Variants in SUGT1 observed in about 807,000 individuals in gnomAD.
The protein encoded by SUGT1 is protein SGT1 homolog.
SUGT1 carries 15 observed loss-of-function variants against 56.1 expected under a neutral mutation model. The observed-to-expected ratio is 0.27, with a 90% CI of 0.18 to 0.41. The LOEUF (loss-of-function observed/expected upper bound fraction) is 0.41, where lower values mean the gene tolerates loss of function less well. SUGT1 is among the 10% of genes least tolerant of loss of function. The pLI, the probability that SUGT1 is intolerant of heterozygous loss-of-function variation, is 1.00. For synonymous variants in SUGT1, 123 were observed against 128.6 expected (o/e 0.96, Z 0.30); for missense variants, 347 against 382.2 (o/e 0.91, Z 0.77).
chr13:52,673,877 T>C (rs1168795306), intron 10 of SUGT1, among the ~76,000 whole-genome samples: 1 of 152,220 alleles, frequency 6.6e-6, no homozygotes, highest in African/African-American at 2.4e-5. Context: ...TATGTCCCTT[T>C]TGATAAATAT....
chr13:52,658,554 A>G, intron 4 of SUGT1, 86 bp downstream of exon 4: 2 of 1,275,192 alleles, frequency 1.6e-6, no homozygotes, highest in Non-Finnish European at 2.2e-6. Flanking sequence ...AGCTTTATAT[A>G]AGTTGTAAAA....
chr13:52,697,112 C>T lies in SUGT1; in HGVS notation c.*9277C>T, dbSNP rs1195802121. ...CCGTCTTCTGGGCTCAAGCAATCCT[C>T]CTTCCTCAGCCTCCTGAGTAGCTGG... is the stretch of plus-strand genomic sequence containing the variant. On this transcript the variant is annotated 3_prime_UTR_variant, in exon 13 of 13. Transcript: ENST00000310528. 1 of 152,136 alleles carries T rather than the reference C, an allele frequency of 6.6e-6. No individual in the cohort carries two copies. The highest frequency in any genetic ancestry group is 2.4e-5 in the African/African-American group (1 of 41,420). 9.4% of individuals were successfully genotyped at this position (152,136 alleles called of 1,614,324 possible). A position where few individuals can be genotyped will look rare whatever the true frequency, so the allele number is the denominator to read the frequency against.
chr13:52,684,419 TTG>T (rs202099191), intron 12 of SUGT1, among the ~76,000 whole-genome samples: 1,187 of 27,814 alleles, frequency 0.043, 5 homozygotes, highest in Non-Finnish European at 0.086. Context: ...CTCTATTTTT[TTG>T]TTCTACATTT....
chr13:52,665,924 G>A (rs1347276108), intron 9 of SUGT1, among the ~76,000 whole-genome samples, 191 bp downstream of exon 9: 7 of 152,092 alleles, frequency 4.6e-5, no homozygotes, highest in African/African-American at 2.4e-5. Context: ...AGCTGGATGT[G>A]CATTTTTTTC....
Position 52,690,410 on chromosome 13 carries a change from C to CT in SUGT1, c.*2575_*2576insT, listed in dbSNP as rs34928219. On this transcript the variant is annotated 3_prime_UTR_variant, in exon 13 of 13. Transcript: ENST00000310528. Reference sequence around the variant, plus strand: ...TTTTCATTTCTCAAATTTTGGTTCTCAGTGCTGTTAGTATTAGTAGCCTTT... The same window carrying CT: ...TTTTCATTTCTCAAATTTTGGTTCTCTAGTGCTGTTAGTATTAGTAGCCTTT... 1 of 152,142 alleles carries CT rather than the reference C, an allele frequency of 6.6e-6. No individual in the cohort carries two copies. Among genetic ancestry groups the CT allele is most frequent in the Non-Finnish European group, 1.5e-5 (1 of 68,034 alleles). The allele number at this position is 152,142 out of a possible 1,614,324, so 9.4% of individuals were successfully genotyped here.
intron 2 of SUGT1, among the ~76,000 whole-genome samples, chr13:52,654,116 A>G (rs1566171636): frequency 6.6e-6 from 1 of 152,254 alleles, no homozygotes; most frequent in Non-Finnish European, 1.5e-5. Context: ...TAGAGGGCCC[A>G]TTTGATTAAG....
In SUGT1 at chr13:52,657,639, A is replaced by C. The variant is rs1962230663; in HGVS notation, c.187+17A>C. The stretch of plus-strand genomic sequence containing the variant: ...ATTACTGTGGTAACGTTTCTTATAA[A>C]GTATATTGCCCCCTTTTAATAAGTT... On this transcript the variant is annotated intron_variant, in intron 3 of 12. Coordinates refer to ENST00000310528, the MANE Select transcript of SUGT1 (RefSeq NM_006704.5). 6.3e-7 allele frequency: 1 copy of C among 1,598,068 alleles called. No homozygotes were observed. The highest frequency in any genetic ancestry group is 1.7e-5 in the Admixed American group (1 of 59,162).
At chr13:52,662,542 C>A in intron 5 of SUGT1, 107 bp from the exon 6 acceptor site, 3 of 1,068,928 alleles carry the variant, frequency 2.8e-6, no homozygotes, top group Non-Finnish European at 4.2e-6. Context: ...GCTGCCGACT[C>A]CCCAGTGCCT....
intron 12 of SUGT1, among the ~76,000 whole-genome samples, chr13:52,685,502 T>A (rs1963548296): frequency 6.6e-6 from 1 of 152,188 alleles, no homozygotes; most frequent in South Asian, 2.1e-4. Flanking sequence ...CCAGGAGAAG[T>A]CATTCTCACT....
chr13:52,661,571 G>A lies in SUGT1; in HGVS notation c.329-1078G>A, dbSNP rs755678871. The A allele has an allele frequency of 1.2e-4, 48 of 416,422 alleles. No individual in the cohort carries two copies. In the Middle Eastern group the frequency reaches 1.7e-3, roughly 15 times the overall value. 25.8% of individuals were successfully genotyped at this position (416,422 alleles called of 1,614,324 possible). Reference sequence around the variant, plus strand: ...GACTCCCAAAGTGCTGGGATTACAGGTATGAGCCACCATGCCCGGCCAAAA... The same window carrying A: ...GACTCCCAAAGTGCTGGGATTACAGATATGAGCCACCATGCCCGGCCAAAA... On this transcript the variant is annotated intron_variant, in intron 5 of 12. Transcript: ENST00000310528.
chr13:52,676,182 T>C (rs761027251), intron 10 of SUGT1, 48 bp from the exon 11 acceptor site: 3 of 1,476,810 alleles, frequency 2.0e-6, no homozygotes, highest in African/African-American at 2.8e-5. Flanking sequence ...TTTTACTGTT[T>C]TGTGTATTTT....
chr13:52,676,161 A>G, intron 10 of SUGT1, 69 bp from the exon 11 acceptor site: 2 of 1,321,502 alleles, frequency 1.5e-6, no homozygotes, highest in Non-Finnish European at 1.0e-6. Flanking sequence ...ATGACTTAAG[A>G]AAACTGCATT....
chr13:52,662,812 A>T lies in SUGT1; in HGVS notation c.382+110A>T. ...ATCTTTATAATTTCTTTTAAATAGTATACGTTTCCTTAGATGTGGACTTCC... is the reference window on the plus strand; with the variant it reads ...ATCTTTATAATTTCTTTTAAATAGTTTACGTTTCCTTAGATGTGGACTTCC... On this transcript the variant is annotated intron_variant, in intron 6 of 12. Transcript: ENST00000310528. 2.6e-6 allele frequency: 3 copies of T among 1,142,940 alleles called. No homozygotes were observed. In the East Asian group the frequency reaches 7.6e-5, roughly 29 times the overall value. The allele number at this position is 1,142,940 out of a possible 1,614,324, so 70.8% of individuals were successfully genotyped here. A position where few individuals can be genotyped will look rare whatever the true frequency, so the allele number is the denominator to read the frequency against.
rs969214696 is a variant in SUGT1 at position 52,691,884 on chromosome 13, A to G, written c.*4049A>G. ...TCCATCTGTGCATTTTTTAAATCGTAAGATCATTTTACACACACCAAGAGA... is the reference window on the plus strand; with the variant it reads ...TCCATCTGTGCATTTTTTAAATCGTGAGATCATTTTACACACACCAAGAGA... On this transcript the variant is annotated 3_prime_UTR_variant, in exon 13 of 13. Transcript: ENST00000310528. The G allele has an allele frequency of 2.0e-5, 3 of 152,314 alleles. No individual in the cohort carries two copies. Among genetic ancestry groups the G allele is most frequent in the African/African-American group, 7.2e-5 (3 of 41,560 alleles). The allele number at this position is 152,314 out of a possible 1,614,324, so 9.4% of individuals were successfully genotyped here. A position where few individuals can be genotyped will look rare whatever the true frequency, so the allele number is the denominator to read the frequency against.
At position 52,679,984 on chromosome 13, in the gene SUGT1, C is replaced by A. The variant is rs1276844286; in HGVS notation, c.729C>A (p.Asn243Lys). Residue 243 changes from asparagine (N) to lysine (K), a missense_variant, in exon 12 of 13, where the codon AAC (asparagine) becomes AAA (lysine). Transcript: ENST00000310528. ...TTTTTTACTTCATAGATGTAAAGAA[C>A]CTATATCCATCATCATCTCCTTATA... ...TPKQFVADVKNLYPSSSPYTR... is the reference protein window; with the variant it reads ...TPKQFVADVKKLYPSSSPYTR... The A allele has an allele frequency of 6.3e-7, 1 of 1,593,398 alleles. No homozygotes were observed. Among genetic ancestry groups the A allele is most frequent in the Admixed American group, 1.9e-5 (1 of 53,468 alleles).
chr13:52,699,305 ATAAC>A lies in SUGT1; in HGVS notation c.*11473_*11476del, dbSNP rs1284984282. 1.3e-5 allele frequency: 2 copies of A among 152,208 alleles called. No homozygotes were observed. Among genetic ancestry groups the A allele is most frequent in the African/African-American group, 2.4e-5 (1 of 41,454 alleles). 9.4% of individuals were successfully genotyped at this position (152,208 alleles called of 1,614,324 possible). On this transcript the variant is annotated 3_prime_UTR_variant, in exon 13 of 13. Coordinates refer to ENST00000310528, the MANE Select transcript of SUGT1 (RefSeq NM_006704.5). Reference sequence around the variant, plus strand: ...TCAATCAAAGTGAAACAAAATGAGAATAACTATTTGGGCAAAACACTTTTATCAC... The same window carrying A: ...TCAATCAAAGTGAAACAAAATGAGAATATTTGGGCAAAACACTTTTATCAC...
chr13:52,697,742 T>C lies in SUGT1; in HGVS notation c.*9907T>C, dbSNP rs934636989. 2.0e-5 allele frequency: 3 copies of C among 152,200 alleles called. No homozygotes were observed. The highest frequency in any genetic ancestry group is 4.8e-5 in the African/African-American group (2 of 41,450). 9.4% of individuals were successfully genotyped at this position (152,200 alleles called of 1,614,324 possible). A position where few individuals can be genotyped will look rare whatever the true frequency, so the allele number is the denominator to read the frequency against. On this transcript the variant is annotated 3_prime_UTR_variant, in exon 13 of 13. Transcript: ENST00000310528. ...CTTTAAGGTATGTAGTAGAATAATA[T>C]AGGTATCTGAAAAAGAACTTGGTTC...
In SUGT1 at chr13:52,700,376, G is replaced by C. The variant is rs899836110; in HGVS notation, c.*12541G>C. 2 of 152,122 alleles carry C rather than the reference G, an allele frequency of 1.3e-5. No homozygotes were observed. Among genetic ancestry groups the C allele is most frequent in the African/African-American group, 4.8e-5 (2 of 41,442 alleles). 9.4% of individuals were successfully genotyped at this position (152,122 alleles called of 1,614,324 possible). On this transcript the variant is annotated 3_prime_UTR_variant, in exon 13 of 13. Coordinates refer to ENST00000310528, the MANE Select transcript of SUGT1 (RefSeq NM_006704.5). ...TAGATGTACTTACCTTACACAGTAA[G>C]TACCTAAAATTTGTAAATTGAATAC... is the stretch of plus-strand genomic sequence containing the variant.
At chr13:52,681,390 A>T (rs1963368660) in intron 12 of SUGT1, among the ~76,000 whole-genome samples, 1 of 151,128 alleles carries the variant, frequency 6.6e-6, no homozygotes, top group Non-Finnish European at 1.5e-5. Context: ...ACTGAACTAC[A>T]GCCTGGGCAA....
Sources: allele counts gnomAD v4.1 joint callset (sites outside exome capture counted in the v4.1 genomes callset), GRCh38; gene constraint gnomAD v4.1.1; transcripts MANE v1.5; gene names NCBI Gene and HGNC (gene_info 2026-07-23, HGNC 2026-07-21).